ADAMTS6: variants seen among roughly 807,000 people sequenced by gnomAD.
The protein encoded by ADAMTS6 is ADAM metallopeptidase with thrombospondin type 1 motif 6, also known as A disintegrin and metalloproteinase with thrombospondin motifs 6.
ADAMTS6 carries 23 observed loss-of-function variants against 144.3 expected under a neutral mutation model. That is an observed-to-expected ratio of 0.16 (90% CI 0.11 to 0.23). The LOEUF (loss-of-function observed/expected upper bound fraction) is 0.23. ADAMTS6 is among the 10% of genes least tolerant of loss of function. The pLI is 1.00. For synonymous variants in ADAMTS6, 444 were observed against 457.5 expected, an observed-to-expected ratio of 0.97 and a Z score of 0.38; for missense variants, 999 against 1,379.6, an observed-to-expected ratio of 0.72 and a Z score of 4.37.
chr5:65,464,004 C>T (rs1759813880), intron 3 of ADAMTS6, among the ~76,000 whole-genome samples: 1 of 152,200 alleles, frequency 6.6e-6, no homozygotes, highest in South Asian at 2.1e-4. Context: ...CCATGATCTT[C>T]TCCCTCCTTT....
At chr5:65,418,607 C>T (rs1355860835) in intron 7 of ADAMTS6, among the ~76,000 whole-genome samples, 1 of 151,814 alleles carries the variant, frequency 6.6e-6, no homozygotes, top group Admixed American at 6.6e-5. Context: ...AATTTAATAA[C>T]TTTAAAAAAT....
intron 11 of ADAMTS6, among the ~76,000 whole-genome samples, chr5:65,275,120 C>T (rs147947491): frequency 1.3e-3 from 179 of 141,486 alleles, no homozygotes; most frequent in Middle Eastern, 3.9e-3. Flanking sequence ...TTTAGGAGGT[C>T]GAGGTGGGAA....
At chr5:65,385,955 A>G (rs1752437225) in intron 7 of ADAMTS6, among the ~76,000 whole-genome samples, 1 of 152,220 alleles carries the variant, frequency 6.6e-6, no homozygotes, top group Non-Finnish European at 1.5e-5. Flanking sequence ...AAGAATTAAG[A>G]AGCAGTGATG....
At chr5:65,290,686 T>A (rs1484692349) in intron 11 of ADAMTS6, among the ~76,000 whole-genome samples, 1 of 152,252 alleles carries the variant, frequency 6.6e-6, no homozygotes, top group African/African-American at 2.4e-5. Flanking sequence ...AATAAGAACA[T>A]GTCCACTAAA....
chr5:65,369,650 CTTA>C (rs1394325418), intron 7 of ADAMTS6, among the ~76,000 whole-genome samples: 1 of 151,852 alleles, frequency 6.6e-6, no homozygotes, highest in African/African-American at 2.4e-5. Context: ...CTCATATAGC[CTTA>C]TGATATCTCA....
intron 17 of ADAMTS6, 83 bp from the exon 18 acceptor site, chr5:65,224,483 T>C: frequency 8.6e-7 from 1 of 1,164,756 alleles, no homozygotes; most frequent in South Asian, 1.3e-5. Context: ...AATAGTTTCC[T>C]TATTATTCCA....
chr5:65,289,071 T>C (rs186216673), intron 11 of ADAMTS6, among the ~76,000 whole-genome samples: 208 of 152,362 alleles, frequency 1.4e-3, no homozygotes, highest in Middle Eastern at 0.01. Context: ...CATTTTCATA[T>C]AGTATATGAA....
At chr5:65,230,356 T>TGA (rs1554051840) in intron 15 of ADAMTS6, among the ~76,000 whole-genome samples, 23 of 24,298 alleles carry the variant, frequency 9.5e-4, no homozygotes, top group African/African-American at 2.5e-3. Context: ...ATATAATACA[T>TGA]TATATATGAA....
intron 7 of ADAMTS6, among the ~76,000 whole-genome samples, chr5:65,366,255 T>C (rs1225500894): frequency 6.6e-6 from 1 of 152,206 alleles, no homozygotes; most frequent in African/African-American, 2.4e-5. Context: ...GAGAATCCTA[T>C]ATAAAATATT....
intron 18 of ADAMTS6, among the ~76,000 whole-genome samples, chr5:65,223,605 C>T (rs895780789): frequency 3.3e-5 from 5 of 152,110 alleles, no homozygotes; most frequent in African/African-American, 1.2e-4. Context: ...ATGACGTTCT[C>T]CAGGTTCATC....
intron 11 of ADAMTS6, among the ~76,000 whole-genome samples, chr5:65,276,433 A>T (rs1314330738): frequency 1.3e-5 from 2 of 152,304 alleles, no homozygotes; most frequent in East Asian, 3.9e-4. Flanking sequence ...TTTGAATCTC[A>T]ACTTGAATAA....
chr5:65,332,286 G>GGT (rs1418120561), intron 8 of ADAMTS6, among the ~76,000 whole-genome samples: 1 of 76,882 alleles, frequency 1.3e-5, no homozygotes, highest in African/African-American at 4.6e-5. Context: ...AGACAGTGAG[G>GGT]GTATATATAT....
At chr5:65,293,584 A>G (rs1742538095) in intron 10 of ADAMTS6, among the ~76,000 whole-genome samples, 1 of 152,084 alleles carries the variant, frequency 6.6e-6, no homozygotes. Flanking sequence ...TCTGATGGCA[A>G]ATTGGAAACT....
At chr5:65,333,897 G>A (rs759569159) in intron 8 of ADAMTS6, 145 bp downstream of exon 8, 269 of 924,426 alleles carry the variant, frequency 2.9e-4, no homozygotes, top group Non-Finnish European at 3.6e-4. Flanking sequence ...GGTGTAACAG[G>A]TTTTAGGATT....
At chr5:65,246,961 G>C (rs1226368398) in intron 14 of ADAMTS6, among the ~76,000 whole-genome samples, 9 of 152,148 alleles carry the variant, frequency 5.9e-5, no homozygotes, top group Non-Finnish European at 1.3e-4. Flanking sequence ...AGGAATAGTA[G>C]AGGGTTTAAA....
chr5:65,316,541 T>A (rs1745017521), intron 9 of ADAMTS6, among the ~76,000 whole-genome samples: 1 of 152,066 alleles, frequency 6.6e-6, no homozygotes, highest in Non-Finnish European at 1.5e-5. Context: ...GAAAGATGAG[T>A]ACTGTCAGAC....
chr5:65,334,368 C>G (rs1460966121), intron 7 of ADAMTS6, among the ~76,000 whole-genome samples: 1 of 152,210 alleles, frequency 6.6e-6, no homozygotes, highest in African/African-American at 2.4e-5. Context: ...ATCTGCCATA[C>G]TGTTTTGAAG....
chr5:65,300,418 T>C (rs1743242965), intron 9 of ADAMTS6, among the ~76,000 whole-genome samples: 1 of 152,222 alleles, frequency 6.6e-6, no homozygotes, highest in Admixed American at 6.5e-5. Context: ...TATCAGTCCT[T>C]ACTTTATAAA....
chr5:65,467,712 C>T (rs914398068), intron 3 of ADAMTS6, among the ~76,000 whole-genome samples: 30 of 152,124 alleles, frequency 2.0e-4, no homozygotes, highest in African/African-American at 7.0e-4. Flanking sequence ...GCATAAGGTC[C>T]CTTTCAAATA....
Sources: allele counts gnomAD v4.1 joint callset (sites outside exome capture counted in the v4.1 genomes callset), GRCh38; gene constraint gnomAD v4.1.1; transcripts MANE v1.5; gene names NCBI Gene and HGNC (gene_info 2026-07-23, HGNC 2026-07-21).